MAPK8: variants seen among roughly 807,000 people sequenced by gnomAD.
MAPK8 encodes the protein JUN N-terminal kinase.
In MAPK8, 13 loss-of-function variants were observed where a neutral mutation model predicts 52.9. The ratio of observed to expected loss-of-function variants is 0.25; its 90% confidence interval spans 0.16 to 0.39. MAPK8 has a LOEUF of 0.39. MAPK8 is among the 10% of genes least tolerant of loss of function. MAPK8 has a pLI of 1.00. For synonymous variants in MAPK8, 191 were observed against 169.8 expected (o/e 1.12, Z -0.97); for missense variants, 300 against 519.2 (o/e 0.58, Z 4.10).
intron 1 of MAPK8, among the ~76,000 whole-genome samples, chr10:48,328,477 C>T (rs1455818749): frequency 1.3e-5 from 2 of 152,138 alleles, no homozygotes; most frequent in East Asian, 1.9e-4. Context: ...CCTGGTTGAT[C>T]GTTGAATGCT....
intron 1 of MAPK8, among the ~76,000 whole-genome samples, chr10:48,399,164 T>C (rs143215899): frequency 2.0e-5 from 3 of 152,342 alleles, no homozygotes; most frequent in Non-Finnish European, 4.4e-5. Flanking sequence ...TTTCCTTCAT[T>C]GTCCTTACCA....
intron 1 of MAPK8, among the ~76,000 whole-genome samples, chr10:48,396,848 T>C (rs2041911867): frequency 6.6e-6 from 1 of 152,170 alleles, no homozygotes; most frequent in Non-Finnish European, 1.5e-5. Flanking sequence ...GTTTTAAGCC[T>C]ATATACATTC....
intron 1 of MAPK8, among the ~76,000 whole-genome samples, chr10:48,384,976 A>G (rs1056545439): frequency 6.8e-6 from 1 of 147,928 alleles, no homozygotes; most frequent in Admixed American, 7.2e-5. Context: ...AGAGGCTCAT[A>G]TTTTTAGAGA....
chr10:48,361,043 AT>A (rs549772224), intron 1 of MAPK8, among the ~76,000 whole-genome samples: 93 of 152,078 alleles, frequency 6.1e-4, no homozygotes, highest in African/African-American at 2.0e-3. Flanking sequence ...GAAGTGGTTG[AT>A]TTTTTTTAAA....
chr10:48,355,065 T>C (rs1846737236), intron 1 of MAPK8, among the ~76,000 whole-genome samples: 2 of 152,186 alleles, frequency 1.3e-5, no homozygotes, highest in African/African-American at 4.8e-5. Flanking sequence ...AATAGGCAGC[T>C]ACAGAATATG....
chr10:48,391,234 T>C (rs1352538176), intron 1 of MAPK8, among the ~76,000 whole-genome samples: 1 of 152,220 alleles, frequency 6.6e-6, no homozygotes, highest in Non-Finnish European at 1.5e-5. Flanking sequence ...TTCCATACTT[T>C]TGGTTGCACA....
intron 1 of MAPK8, among the ~76,000 whole-genome samples, chr10:48,327,369 G>C (rs1254142442): frequency 1.3e-5 from 2 of 152,184 alleles, no homozygotes; most frequent in Non-Finnish European, 2.9e-5. Context: ...TTAGCCTGTT[G>C]ATGTGGTGGA....
chr10:48,426,336 G>T, intron 8 of MAPK8, 44 bp from the exon 9 acceptor site: 1 of 1,507,050 alleles, frequency 6.6e-7, no homozygotes, highest in South Asian at 1.3e-5. Context: ...AATAATTTGA[G>T]AATCTTTACA....
chr10:48,323,381 G>A (rs540578864), intron 1 of MAPK8, among the ~76,000 whole-genome samples: 1 of 152,072 alleles, frequency 6.6e-6, no homozygotes, highest in African/African-American at 2.4e-5. Context: ...TTTAAATTTC[G>A]CAGAGAAACC....
At chr10:48,376,632 C>T (rs2040679915) in intron 1 of MAPK8, among the ~76,000 whole-genome samples, 2 of 152,178 alleles carry the variant, frequency 1.3e-5, no homozygotes, top group African/African-American at 2.4e-5. Flanking sequence ...TGAAAAAATG[C>T]TCATCATCAC....
Position 48,437,471 on chromosome 10 carries a change from TCTTA to T in MAPK8, c.*2445_*2448del, listed in dbSNP as rs964486176. ...TTTTATATACTTAATATACTCACTG[TCTTA>T]CTATCAGAAAGTTATTTTGACCAAG... On this transcript the variant is annotated 3_prime_UTR_variant, in exon 12 of 12. Transcript: ENST00000374189. The T allele has an allele frequency of 1.9e-4, 29 of 152,330 alleles. No homozygotes were observed. The highest frequency in any genetic ancestry group is 6.3e-4 in the African/African-American group (26 of 41,564). 9.4% of individuals were successfully genotyped at this position (152,330 alleles called of 1,614,324 possible).
chr10:48,342,706 G>A (rs936082411), intron 1 of MAPK8, among the ~76,000 whole-genome samples: 13 of 152,120 alleles, frequency 8.5e-5, no homozygotes, highest in Non-Finnish European at 2.9e-5. Context: ...GAGTAGTTGT[G>A]GGTAATGGAA....
chr10:48,384,564 G>A (rs1055314232), intron 1 of MAPK8, among the ~76,000 whole-genome samples: 3 of 152,200 alleles, frequency 2.0e-5, no homozygotes, highest in African/African-American at 7.2e-5. Context: ...CATAATATAT[G>A]TGTGGACTCA....
chr10:48,391,332 A>G (rs1392678321), intron 1 of MAPK8, among the ~76,000 whole-genome samples: 5 of 152,224 alleles, frequency 3.3e-5, no homozygotes, highest in East Asian at 3.8e-4. Context: ...AGTTACATCT[A>G]AATTCTATAA....
chr10:48,317,393 G>A (rs1040015116), intron 1 of MAPK8, among the ~76,000 whole-genome samples: 3 of 92,802 alleles, frequency 3.2e-5, no homozygotes, highest in African/African-American at 9.7e-5. Context: ...TGAAACTCCT[G>A]GCCTCGTGAT....
At chr10:48,376,835 A>G (rs1474249717) in intron 1 of MAPK8, among the ~76,000 whole-genome samples, 1 of 152,210 alleles carries the variant, frequency 6.6e-6, no homozygotes, top group African/African-American at 2.4e-5. Context: ...TAGAGCTAGA[A>G]ATACTATTTG....
At position 48,434,931 on chromosome 10, in the gene MAPK8, GT is replaced by G; in HGVS notation, c.1187del (p.Val396AlafsTer21). 3.1e-6 allele frequency: 5 copies of G among 1,613,334 alleles called. No individual in the cohort carries two copies. Among genetic ancestry groups the G allele is most frequent in the Non-Finnish European group, 4.2e-6 (5 of 1,179,754 alleles). ...TCAGCATCCATCATCATCGTCGTCT[GT>G]CAATGATGTGTCTTCAATGTCAACA... is the stretch of plus-strand genomic sequence containing the variant. Reference protein sequence around the residue: ...GSQHPSSSSSVNDVSSMSTDP... With the variant: ...GSQHPSSSSSXNDVSSMSTDP... On this transcript the variant is annotated frameshift_variant, in exon 12 of 12. Coordinates refer to ENST00000374189, the MANE Select transcript of MAPK8 (RefSeq NM_001323329.2). LOFTEE classifies it high-confidence loss of function.
chr10:48,374,305 T>G (rs1381856079), intron 1 of MAPK8, among the ~76,000 whole-genome samples: 2 of 151,808 alleles, frequency 1.3e-5, no homozygotes, highest in Non-Finnish European at 2.9e-5. Context: ...AGATCCAAAA[T>G]CGACACCCTA....
chr10:48,334,360 T>C (rs1844460368), intron 1 of MAPK8, among the ~76,000 whole-genome samples: 1 of 152,194 alleles, frequency 6.6e-6, no homozygotes, highest in African/African-American at 2.4e-5. Flanking sequence ...TGTCTGTCTC[T>C]GGCCGTTTCC....
Sources: gnomAD v4.1 joint callset for allele counts (sites outside exome capture counted in the v4.1 genomes callset) on GRCh38, gnomAD v4.1.1 for gene constraint, MANE v1.5 for transcripts, NCBI Gene and HGNC (gene_info 2026-07-23, HGNC 2026-07-21) for gene names.